The following ADGRV1 variants were observed in gnomAD, a reference collection of about 807,000 sequenced individuals.
ADGRV1 encodes G-protein coupled receptor 98.
A neutral mutation model predicts 596.2 loss-of-function variants in ADGRV1; 359 were observed. The ratio of observed to expected loss-of-function variants is 0.60; its 90% CI spans 0.55 to 0.66. The LOEUF (loss-of-function observed/expected upper bound fraction) is 0.66, where lower values mean the gene tolerates loss of function less well. ADGRV1 is among the 30% of genes least tolerant of loss of function. ADGRV1 has a pLI of 0.00. For missense variants in ADGRV1, 7,274 were observed against 7,575.6 expected, an observed-to-expected ratio of 0.96 and a Z score of 1.48; for synonymous variants, 2,681 against 2,679.2, an observed-to-expected ratio of 1.00 and a Z score of -0.02.
At chr5:90,944,539 A>G (rs1776417019) in intron 83 of ADGRV1, among the ~76,000 whole-genome samples, 1 of 152,222 alleles carries the variant, frequency 6.6e-6, no homozygotes, top group Non-Finnish European at 1.5e-5. Context: ...GTTATGTAGT[A>G]AATACACTAG....
At chr5:90,874,010 C>T (rs1201984305) in intron 83 of ADGRV1, among the ~76,000 whole-genome samples, 2 of 152,136 alleles carry the variant, frequency 1.3e-5, no homozygotes, top group African/African-American at 2.4e-5. Context: ...CTCTCAGCAG[C>T]AGGAGTGGTC....
chr5:91,119,304 A>T (rs545918834), intron 87 of ADGRV1, among the ~76,000 whole-genome samples: 4 of 152,202 alleles, frequency 2.6e-5, no homozygotes, highest in Non-Finnish European at 5.9e-5. Context: ...GGAATCATAC[A>T]TAGGCAACTG....
intron 83 of ADGRV1, among the ~76,000 whole-genome samples, chr5:90,894,376 C>T (rs1168248990): frequency 2.0e-5 from 3 of 152,142 alleles, no homozygotes; most frequent in African/African-American, 7.2e-5. Flanking sequence ...GGATTACCTG[C>T]AGAATTGGAT....
chr5:90,879,941 ACT>A (rs1202831040), intron 83 of ADGRV1, among the ~76,000 whole-genome samples: 1 of 152,086 alleles, frequency 6.6e-6, no homozygotes, highest in Non-Finnish European at 1.5e-5. Flanking sequence ...ACAGAGCGAA[ACT>A]CTGTCTCAAA....
intron 20 of ADGRV1, 80 bp downstream of exon 20, chr5:90,654,032 G>T: frequency 7.2e-7 from 1 of 1,385,898 alleles, no homozygotes; most frequent in Non-Finnish European, 1.0e-6. Context: ...TTTTAAAAAA[G>T]TGCTAACATG....
chr5:90,822,236 C>CG (rs1561803022), intron 75 of ADGRV1: 2 of 153,938 alleles, frequency 1.3e-5, no homozygotes, highest in African/African-American at 4.8e-5. Context: ...TGACCCCTTG[C>CG]GCTTCCCAAG....
intron 83 of ADGRV1, among the ~76,000 whole-genome samples, chr5:90,945,405 C>T (rs1776487802): frequency 6.6e-6 from 1 of 152,176 alleles, no homozygotes; most frequent in Non-Finnish European, 1.5e-5. Context: ...CAGAGGGTAG[C>T]AGGGCTCCTG....
chr5:91,012,270 G>A (rs1016352413), intron 85 of ADGRV1, among the ~76,000 whole-genome samples: 7 of 151,932 alleles, frequency 4.6e-5, no homozygotes, highest in South Asian at 4.1e-4. Flanking sequence ...TAGACATTCC[G>A]TTTATTCCAG....
chr5:90,879,488 A>G (rs1443550665), intron 83 of ADGRV1, among the ~76,000 whole-genome samples: 1 of 152,178 alleles, frequency 6.6e-6, no homozygotes, highest in Non-Finnish European at 1.5e-5. Flanking sequence ...AATTTGTGAT[A>G]TAATTTTGAT....
At chr5:90,922,861 T>C (rs1774013115) in intron 83 of ADGRV1, among the ~76,000 whole-genome samples, 2 of 152,234 alleles carry the variant, frequency 1.3e-5, no homozygotes, top group Non-Finnish European at 2.9e-5. Context: ...CAGTTGGTTC[T>C]TGATGCATGG....
intron 86 of ADGRV1, among the ~76,000 whole-genome samples, chr5:91,100,896 C>T (rs991117736): frequency 3.9e-5 from 6 of 152,142 alleles, no homozygotes; most frequent in Non-Finnish European, 8.8e-5. Context: ...AATTTAAGGA[C>T]ACTGCAAGAA....
chr5:91,142,812 A>G (rs544084306), intron 87 of ADGRV1, among the ~76,000 whole-genome samples: 1 of 152,374 alleles, frequency 6.6e-6, no homozygotes, highest in Non-Finnish European at 1.5e-5. Flanking sequence ...TCTTGAATCA[A>G]AAGAAATACA....
At chr5:90,749,731 A>G (rs1387800748) in intron 52 of ADGRV1, among the ~76,000 whole-genome samples, 5 of 152,188 alleles carry the variant, frequency 3.3e-5, no homozygotes, top group Non-Finnish European at 1.5e-5. Context: ...TGAAGCATTC[A>G]TTTTGAGGAA....
intron 87 of ADGRV1, among the ~76,000 whole-genome samples, chr5:91,142,033 G>A (rs532158429): frequency 2.0e-5 from 3 of 152,300 alleles, no homozygotes; most frequent in African/African-American, 4.8e-5. Context: ...CCATGAAGCC[G>A]TGGCACATGT....
intron 85 of ADGRV1, among the ~76,000 whole-genome samples, chr5:91,063,318 C>T (rs148622278): frequency 2.0e-5 from 3 of 152,054 alleles, no homozygotes; most frequent in South Asian, 2.1e-4. Context: ...CAGCGGTGCT[C>T]GTGGCTACAG....
At chr5:90,676,829 T>C (rs1370923768) in intron 25 of ADGRV1, 5 of 152,176 alleles carry the variant, frequency 3.3e-5, no homozygotes, top group African/African-American at 9.7e-5. Flanking sequence ...AATGAGTTGA[T>C]TATTAATAAA....
chr5:90,772,344 G>C (rs572316967), intron 59 of ADGRV1, among the ~76,000 whole-genome samples: 1 of 152,222 alleles, frequency 6.6e-6, no homozygotes, highest in South Asian at 2.1e-4. Flanking sequence ...CTTTGTTTCA[G>C]CTCTCATGTT....
chr5:90,614,746 C>A (rs1388235417), intron 1 of ADGRV1, 89 bp from the exon 2 acceptor site: 1 of 976,218 alleles, frequency 1.0e-6, no homozygotes, highest in Admixed American at 2.0e-5. Flanking sequence ...TCTAACTCTT[C>A]ATACTATGTT....
chr5:91,069,537 T>C (rs1213326467), intron 85 of ADGRV1, among the ~76,000 whole-genome samples: 1 of 152,040 alleles, frequency 6.6e-6, no homozygotes, highest in African/African-American at 2.4e-5. Context: ...ATCAGGGAAA[T>C]GCAAATCAAA....
Sources: gnomAD v4.1 joint callset for allele counts (sites outside exome capture counted in the v4.1 genomes callset) on GRCh38, gnomAD v4.1.1 for gene constraint, MANE v1.5 for transcripts, NCBI Gene and HGNC (gene_info 2026-07-23, HGNC 2026-07-21) for gene names.